Variants in SLC35F1 observed in about 807,000 individuals in gnomAD.
SLC35F1 encodes solute carrier family 35 member F1.
In SLC35F1, 14 loss-of-function variants were observed where a neutral mutation model predicts 48.7. That is an observed-to-expected ratio of 0.29 (90% CI 0.19 to 0.45). The LOEUF (loss-of-function observed/expected upper bound fraction) is 0.45, where lower values mean the gene tolerates loss of function less well. Among genes scored for constraint, SLC35F1 ranks in the 20% least tolerant of loss-of-function variants. SLC35F1 has a pLI of 1.00. For synonymous variants in SLC35F1, 190 were observed against 202.2 expected (o/e 0.94, Z 0.51); for missense variants, 404 against 500.0 (o/e 0.81, Z 1.83).
chr6:118,211,834 T>C (rs1382398309), intron 2 of SLC35F1, among the ~76,000 whole-genome samples: 4 of 152,180 alleles, frequency 2.6e-5, no homozygotes, highest in African/African-American at 4.8e-5. Context: ...ACCTAAATAA[T>C]TGGATTTCTC....
chr6:118,022,520 G>T (rs1253913696), intron 1 of SLC35F1, among the ~76,000 whole-genome samples: 1 of 152,114 alleles, frequency 6.6e-6, no homozygotes, highest in African/African-American at 2.4e-5. Context: ...AGGGCTGCTG[G>T]AATATTGAGT....
At chr6:117,931,340 G>C (rs767931658) in intron 1 of SLC35F1, among the ~76,000 whole-genome samples, 1 of 152,124 alleles carries the variant, frequency 6.6e-6, no homozygotes, top group Admixed American at 6.5e-5. Flanking sequence ...AACAATACTA[G>C]TATACAGGTT....
chr6:118,084,188 C>A (rs975284316), intron 1 of SLC35F1, among the ~76,000 whole-genome samples: 4 of 152,128 alleles, frequency 2.6e-5, no homozygotes, highest in Non-Finnish European at 4.4e-5. Flanking sequence ...TCCTTAGGTA[C>A]TTTCCTTTCT....
At chr6:118,125,839 T>C (rs918844835) in intron 1 of SLC35F1, among the ~76,000 whole-genome samples, 5 of 152,190 alleles carry the variant, frequency 3.3e-5, no homozygotes, top group Admixed American at 3.3e-4. Flanking sequence ...CCATCCACTC[T>C]CAACTGGCCA....
chr6:118,183,604 T>A (rs1774615980), intron 2 of SLC35F1, among the ~76,000 whole-genome samples: 1 of 152,020 alleles, frequency 6.6e-6, no homozygotes, highest in Non-Finnish European at 1.5e-5. Context: ...ATGGTGACCA[T>A]CAAGAAACAC....
intron 1 of SLC35F1, among the ~76,000 whole-genome samples, chr6:118,094,766 G>A (rs1337302756): frequency 2.0e-5 from 3 of 151,964 alleles, no homozygotes; most frequent in Non-Finnish European, 4.4e-5. Context: ...TCAGGAGTTC[G>A]AGACCAGCCT....
intron 1 of SLC35F1, among the ~76,000 whole-genome samples, chr6:118,122,327 C>A (rs907199443): frequency 3.3e-5 from 5 of 151,798 alleles, no homozygotes; most frequent in African/African-American, 1.2e-4. Context: ...TGTGGTGAAC[C>A]TGTGACAGTG....
intron 1 of SLC35F1, among the ~76,000 whole-genome samples, chr6:117,933,009 C>T (rs1776121190): frequency 6.6e-6 from 1 of 152,200 alleles, no homozygotes; most frequent in African/African-American, 2.4e-5. Context: ...AAGCTCACAA[C>T]TTGTTTGACT....
At position 118,153,087 on chromosome 6, in the gene SLC35F1, G is replaced by GT. The variant is rs547019333; in HGVS notation, c.174-1352dup. Among the ~76,000 whole-genome samples the GT allele has an allele frequency of 1.1e-4, 16 of 152,222 alleles. No individual in the cohort carries two copies. In the South Asian group the frequency reaches 1.9e-3, roughly 18 times the overall value. On this transcript the variant is annotated intron_variant, in intron 1 of 7. Coordinates refer to ENST00000360388, the MANE Select transcript of SLC35F1 (RefSeq NM_001029858.4). ...ATGGAATGAACAAAATATAGCTGAT[G>GT]TTTTTTCTTTTTTAAAGCAAAATAC...
At chr6:117,955,006 A>G (rs1359825973) in intron 1 of SLC35F1, among the ~76,000 whole-genome samples, 1 of 152,246 alleles carries the variant, frequency 6.6e-6, no homozygotes, top group African/African-American at 2.4e-5. Context: ...TTAATATTAA[A>G]TTAAACTTCA....
In SLC35F1 at chr6:118,245,025, T is replaced by G. The variant is rs573914858; in HGVS notation, c.477+9389T>G. Among the ~76,000 whole-genome samples the G allele has an allele frequency of 1.1e-3, 172 of 152,330 alleles. 1 individual carries two copies. The highest frequency in any genetic ancestry group is 1.8e-3 in the Non-Finnish European group (124 of 68,026). On this transcript the variant is annotated intron_variant, in intron 3 of 7. Coordinates refer to ENST00000360388, the MANE Select transcript of SLC35F1 (RefSeq NM_001029858.4). ...TGGAACACTAAACACCTTTTCAGTATTCTGCTATGGTCTGGAAATGTAAAG... is the reference window on the plus strand; with the variant it reads ...TGGAACACTAAACACCTTTTCAGTAGTCTGCTATGGTCTGGAAATGTAAAG...
chr6:117,966,631 GAACC>G (rs1776574841), intron 1 of SLC35F1, among the ~76,000 whole-genome samples: 2 of 152,218 alleles, frequency 1.3e-5, no homozygotes, highest in African/African-American at 4.8e-5. Flanking sequence ...GCGAGACCAA[GAACC>G]AACCAATTCT....
intron 1 of SLC35F1, among the ~76,000 whole-genome samples, chr6:118,028,504 GA>G (rs1221633581): frequency 6.6e-6 from 1 of 152,088 alleles, no homozygotes; most frequent in East Asian, 1.9e-4. Flanking sequence ...GGCAAATTAG[GA>G]AGGATGAATG....
chr6:118,019,497 C>T (rs1204063398), intron 1 of SLC35F1, among the ~76,000 whole-genome samples: 2 of 152,034 alleles, frequency 1.3e-5, no homozygotes, highest in South Asian at 2.1e-4. Flanking sequence ...TGGTGTATGC[C>T]TATAGTCGCA....
At chr6:118,274,466 G>A (rs553326472) in intron 4 of SLC35F1, among the ~76,000 whole-genome samples, 31 of 152,134 alleles carry the variant, frequency 2.0e-4, no homozygotes, top group Admixed American at 1.7e-3. Flanking sequence ...GCATGATCTC[G>A]GCTCACTGAA....
At chr6:117,977,842 T>G (rs1776724824) in intron 1 of SLC35F1, among the ~76,000 whole-genome samples, 1 of 152,170 alleles carries the variant, frequency 6.6e-6, no homozygotes, top group African/African-American at 2.4e-5. Context: ...TTATCAAAAT[T>G]TTTTAATGAT....
At chr6:118,150,271 C>T (rs555794087) in intron 1 of SLC35F1, among the ~76,000 whole-genome samples, 8 of 152,202 alleles carry the variant, frequency 5.3e-5, no homozygotes, top group African/African-American at 9.6e-5. Context: ...TTAGCTTAAT[C>T]GGCTCCATTT....
At chr6:118,150,972 G>A (rs1774048588) in intron 1 of SLC35F1, among the ~76,000 whole-genome samples, 1 of 152,088 alleles carries the variant, frequency 6.6e-6, no homozygotes. Flanking sequence ...CAATACGGCT[G>A]TTATTCTCCA....
intron 1 of SLC35F1, chr6:117,999,501 C>T (rs941222076): frequency 3.9e-6 from 5 of 1,287,340 alleles, no homozygotes; most frequent in East Asian, 2.3e-5. Flanking sequence ...CCACCCCCAC[C>T]CCTGGGCTAT....
Sources: allele counts gnomAD v4.1 joint callset (sites outside exome capture counted in the v4.1 genomes callset), GRCh38; gene constraint gnomAD v4.1.1; transcripts MANE v1.5; gene names NCBI Gene and HGNC (gene_info 2026-07-23, HGNC 2026-07-21).